CA10: variants seen among roughly 807,000 people sequenced by gnomAD.
CA10 encodes carbonic anhydrase 10 (inactive), also known as carbonic anhydrase-related protein 10.
A neutral mutation model predicts 44.2 loss-of-function variants in CA10; 14 were observed. The ratio of observed to expected loss-of-function variants is 0.32; its 90% confidence interval spans 0.21 to 0.50. The LOEUF (loss-of-function observed/expected upper bound fraction) is 0.50, where lower values mean the gene tolerates loss of function less well. Ranked by LOEUF, CA10 falls within the 20% of genes least tolerant of loss-of-function variation. CA10 has a pLI of 0.99. For missense variants in CA10, 350 were observed against 409.7 expected (o/e 0.85, Z 1.26); for synonymous variants, 159 against 141.6 (o/e 1.12, Z -0.87).
chr17:51,706,995 C>T (rs145526403), intron 4 of CA10, among the ~76,000 whole-genome samples: 4 of 152,306 alleles, frequency 2.6e-5, no homozygotes, highest in East Asian at 1.9e-4. Context: ...TTACCCACAG[C>T]GCTTGTCACT....
intron 1 of CA10, among the ~76,000 whole-genome samples, chr17:52,135,240 C>T (rs1989329906): frequency 6.6e-6 from 1 of 152,164 alleles, no homozygotes; most frequent in African/African-American, 2.4e-5. Context: ...CAGAAACTAG[C>T]TCTTTGGAAA....
At chr17:51,768,416 G>T (rs570274864) in intron 3 of CA10, among the ~76,000 whole-genome samples, 44 of 152,238 alleles carry the variant, frequency 2.9e-4, no homozygotes, top group African/African-American at 9.6e-4. Flanking sequence ...AAGTTTCTAC[G>T]ATTGCCAATA....
At chr17:52,009,689 T>C (rs777865288) in intron 2 of CA10, among the ~76,000 whole-genome samples, 2 of 152,058 alleles carry the variant, frequency 1.3e-5, no homozygotes, top group Non-Finnish European at 2.9e-5. Flanking sequence ...ATAAAAATTA[T>C]GATTCAAAAC....
intron 3 of CA10, among the ~76,000 whole-genome samples, chr17:51,884,046 T>C (rs191583689): frequency 6.6e-6 from 1 of 152,322 alleles, no homozygotes; most frequent in African/African-American, 2.4e-5. Flanking sequence ...TTGACCCTTC[T>C]TTTTTCTTTG....
At chr17:51,770,247 G>A (rs1905550880) in intron 3 of CA10, among the ~76,000 whole-genome samples, 1 of 148,902 alleles carries the variant, frequency 6.7e-6, no homozygotes, top group Non-Finnish European at 1.5e-5. Context: ...GAAATAAAAA[G>A]CTTTCCAGGC....
At chr17:51,846,165 C>T (rs925757551) in intron 3 of CA10, among the ~76,000 whole-genome samples, 1 of 152,236 alleles carries the variant, frequency 6.6e-6, no homozygotes, top group Non-Finnish European at 1.5e-5. Context: ...CCTGATTTTA[C>T]CCAAACTTAT....
intron 3 of CA10, among the ~76,000 whole-genome samples, chr17:51,754,624 T>C (rs1263053804): frequency 6.6e-6 from 1 of 151,666 alleles, no homozygotes; most frequent in Non-Finnish European, 1.5e-5. Flanking sequence ...GGCCTTCCAC[T>C]GATTGGATGA....
chr17:51,751,116 A>G (rs1253217534), intron 3 of CA10, among the ~76,000 whole-genome samples: 2 of 152,236 alleles, frequency 1.3e-5, no homozygotes, highest in Middle Eastern at 3.2e-3. Context: ...CAAAAAAGCT[A>G]TAAGGCATAT....
intron 3 of CA10, among the ~76,000 whole-genome samples, chr17:51,833,656 G>A (rs1908366872): frequency 6.6e-6 from 1 of 152,164 alleles, no homozygotes; most frequent in Non-Finnish European, 1.5e-5. Context: ...TATAAGAAAA[G>A]GGTACTGTGT....
intron 3 of CA10, among the ~76,000 whole-genome samples, chr17:51,799,237 C>G (rs1906834775): frequency 6.6e-6 from 1 of 152,134 alleles, no homozygotes; most frequent in African/African-American, 2.4e-5. Flanking sequence ...TTATTTAGTT[C>G]CTTAACAATG....
chr17:52,046,356 T>G (rs1050811757), intron 2 of CA10, among the ~76,000 whole-genome samples: 1 of 150,824 alleles, frequency 6.6e-6, no homozygotes, highest in African/African-American at 2.4e-5. Context: ...AAGGTATAAA[T>G]TATCAACAGT....
chr17:51,976,965 C>T (rs389049), intron 2 of CA10, among the ~76,000 whole-genome samples: 151,056 of 152,092 alleles, frequency 0.99, 75,017 homozygotes, highest in East Asian at 1. Context: ...ATAGATTAAA[C>T]GGGCAGATTC....
chr17:51,918,613 C>T (rs1013358713), intron 3 of CA10, among the ~76,000 whole-genome samples: 30 of 152,288 alleles, frequency 2.0e-4, no homozygotes, highest in African/African-American at 7.2e-4. Flanking sequence ...GACTAACATC[C>T]TATCAAGTGT....
At chr17:51,742,667 G>A (rs1819177399) in intron 4 of CA10, among the ~76,000 whole-genome samples, 1 of 152,116 alleles carries the variant, frequency 6.6e-6, no homozygotes, top group Non-Finnish European at 1.5e-5. Flanking sequence ...GAAAGCAAGA[G>A]AGAAAGCCCC....
intron 1 of CA10, among the ~76,000 whole-genome samples, chr17:52,080,191 G>T (rs1158403440): frequency 6.6e-6 from 1 of 152,222 alleles, no homozygotes; most frequent in South Asian, 2.1e-4. Flanking sequence ...AGTGGCTCAC[G>T]CCACTAATCC....
chr17:51,655,237 C>T lies in CA10; in HGVS notation c.466-1501G>A, dbSNP rs144747639. 2.7e-3 allele frequency among the ~76,000 whole-genome samples: 415 copies of T among 152,300 alleles called. 1 individual carries two copies. The highest frequency in any genetic ancestry group is 9.6e-3 in the African/African-American group (401 of 41,566). On this transcript the variant is annotated intron_variant, in intron 4 of 8. Coordinates refer to ENST00000451037, the MANE Select transcript of CA10 (RefSeq NM_020178.5). ...CCCATAACATATTTAACCATCTTCT[C>T]GCTGGCTTTCGTGTTGTTTCCATTT...
intron 1 of CA10, among the ~76,000 whole-genome samples, chr17:52,093,595 T>C (rs1327092660): frequency 6.6e-6 from 1 of 152,204 alleles, no homozygotes; most frequent in Non-Finnish European, 1.5e-5. Context: ...TCCTCTCTTG[T>C]TGTCATTGTC....
chr17:51,869,112 G>A (rs894350967), intron 3 of CA10, among the ~76,000 whole-genome samples: 1 of 151,864 alleles, frequency 6.6e-6, no homozygotes, highest in Non-Finnish European at 1.5e-5. Flanking sequence ...TATCAGGGGG[G>A]AAAAGTCAAA....
chr17:51,859,511 C>T (rs773682417), intron 3 of CA10, among the ~76,000 whole-genome samples: 19 of 152,132 alleles, frequency 1.2e-4, no homozygotes, highest in Non-Finnish European at 2.2e-4. Context: ...TTGGGATACC[C>T]AGTCACACAG....
Sources: allele counts gnomAD v4.1 joint callset (sites outside exome capture counted in the v4.1 genomes callset), GRCh38; gene constraint gnomAD v4.1.1; transcripts MANE v1.5; gene names NCBI Gene and HGNC (gene_info 2026-07-23, HGNC 2026-07-21).